Variants in GLI2 observed in about 807,000 individuals in gnomAD.
The protein encoded by GLI2 is GLI family zinc finger 2, also known as transcription activator GLI2.
A neutral mutation model predicts 78.9 loss-of-function variants in GLI2; 22 were observed. The ratio of observed to expected loss-of-function variants is 0.28; its 90% confidence interval spans 0.20 to 0.40. The LOEUF (loss-of-function observed/expected upper bound fraction) is 0.40. Ranked by LOEUF, GLI2 falls within the 10% of genes least tolerant of loss-of-function variation. The probability of loss-of-function intolerance (pLI) is 1.00; values close to 1 mark genes in which losing one functional copy is unlikely to be tolerated. For synonymous variants in GLI2, 974 were observed against 963.7 expected (o/e 1.01, Z -0.20); for missense variants, 2,097 against 2,213.2 (o/e 0.95, Z 1.05).
Position 120,815,459 on chromosome 2 carries a change from C to T in GLI2, c.148+17991C>T, listed in dbSNP as rs1685448624. 2.0e-5 allele frequency among the ~76,000 whole-genome samples: 3 copies of T among 152,202 alleles called. 1 individual carries two copies. The highest frequency in any genetic ancestry group is 2.0e-4 in the Admixed American group (3 of 15,286). ...CATGCAGACAGCATTGCCTGCCCCGCCAGCCCCCTCCCTCCACCGATAGAG... is the reference window on the plus strand; with the variant it reads ...CATGCAGACAGCATTGCCTGCCCCGTCAGCCCCCTCCCTCCACCGATAGAG... On this transcript the variant is annotated intron_variant, in intron 2 of 13. Coordinates refer to ENST00000361492, the MANE Select transcript of GLI2 (RefSeq NM_001374353.1).
intron 2 of GLI2, among the ~76,000 whole-genome samples, chr2:120,914,012 A>C (rs1469569036): frequency 6.6e-6 from 1 of 152,250 alleles, no homozygotes; most frequent in African/African-American, 2.4e-5. Flanking sequence ...TGGGCTCTGC[A>C]GGGAAGGGGC....
At position 120,990,396 on chromosome 2, in the gene GLI2, C is replaced by G; in HGVS notation, c.4431C>G (p.Asn1477Lys). The G allele has an allele frequency of 6.2e-7, 1 of 1,614,116 alleles. No homozygotes were observed. Among genetic ancestry groups the G allele is most frequent in the Non-Finnish European group, 8.5e-7 (1 of 1,180,016 alleles). The change falls in exon 14 of 14, where the codon AAC becomes AAG. Residue 1477 changes from asparagine (N) to lysine (K), a missense_variant. Coordinates refer to ENST00000361492, the MANE Select transcript of GLI2 (RefSeq NM_001374353.1). Reference protein sequence around the residue: ...QPQPLPSPGVNQVSSTVDSQL... With the variant: ...QPQPLPSPGVKQVSSTVDSQL... ...AGCCCTTGCCCTCACCAGGGGTCAACCAGGTGTCCAGCACTGTGGACTCCC... is the reference window on the plus strand; with the variant it reads ...AGCCCTTGCCCTCACCAGGGGTCAAGCAGGTGTCCAGCACTGTGGACTCCC...
At position 120,873,837 on chromosome 2, in the gene GLI2, CTT is replaced by C. The variant is rs575689696; in HGVS notation, c.149-53523_149-53522del. Among the ~76,000 whole-genome samples, 197 of 152,344 alleles carry C rather than the reference CTT, an allele frequency of 1.3e-3. 1 individual carries two copies. Among genetic ancestry groups the C allele is most frequent in the Non-Finnish European group, 2.1e-3 (143 of 68,032 alleles). The stretch of plus-strand genomic sequence containing the variant: ...TGAAATGGACCGACATAAAATCTCT[CTT>C]GTTTGCAGAGTTCGTAACGACAGAG... On this transcript the variant is annotated intron_variant, in intron 2 of 13. Coordinates refer to ENST00000361492, the MANE Select transcript of GLI2 (RefSeq NM_001374353.1).
chr2:120,742,798 A>T (rs1457489125), intron 1 of GLI2, among the ~76,000 whole-genome samples: 1 of 152,210 alleles, frequency 6.6e-6, no homozygotes, highest in Non-Finnish European at 1.5e-5. Context: ...CTTCTAATAT[A>T]TAGAATGTGA....
Position 120,989,136 on chromosome 2 carries a change from C to T in GLI2, c.3171C>T (p.Ala1057=). 1 of 1,613,026 alleles carries T rather than the reference C, an allele frequency of 6.2e-7. No homozygotes were observed. ...DDVVQYIKAH[A]SGALDEGTGQ... is the part of the protein sequence containing the mutation. ...TGGTGCAGTACATCAAGGCGCACGC[C>T]AGTGGCGCTCTGGACGAGGGCACCG... The change falls in exon 14 of 14, where the codon GCC becomes GCT. Residue 1057 remains alanine, a synonymous_variant. Coordinates refer to ENST00000361492, the MANE Select transcript of GLI2 (RefSeq NM_001374353.1).
At chr2:120,740,188 C>G (rs527723332) in intron 1 of GLI2, among the ~76,000 whole-genome samples, 27 of 152,168 alleles carry the variant, frequency 1.8e-4, no homozygotes, top group African/African-American at 6.5e-4. Flanking sequence ...TATTTAAAAC[C>G]TGGGAAAATG....
chr2:120,988,596 G>C lies in GLI2; in HGVS notation c.2631G>C (p.Ala877=), dbSNP rs971144548. 1.3e-6 allele frequency: 2 copies of C among 1,483,260 alleles called. No individual in the cohort carries two copies. Among genetic ancestry groups the C allele is most frequent in the African/African-American group, 1.5e-5 (1 of 68,304 alleles). 91.9% of individuals were successfully genotyped at this position (1,483,260 alleles called of 1,614,324 possible). ...AQQYSLRAKY[A]AATGGPPPTP... is the part of the protein sequence containing the mutation. Reference sequence around the variant, plus strand: ...AGTACAGCCTGCGGGCCAAGTACGCGGCAGCCACTGGCGGCCCCCCGCCCA... The same window carrying C: ...AGTACAGCCTGCGGGCCAAGTACGCCGCAGCCACTGGCGGCCCCCCGCCCA... Residue 877 remains alanine, a synonymous_variant, in exon 14 of 14, where the codon GCG becomes GCC. Transcript: ENST00000361492.
chr2:120,817,951 G>A (rs1685580032), intron 2 of GLI2, among the ~76,000 whole-genome samples: 1 of 152,242 alleles, frequency 6.6e-6, no homozygotes, highest in Admixed American at 6.5e-5. Context: ...TCCATGTCCT[G>A]CCATTACACA....
At chr2:120,740,284 C>G (rs1682490070) in intron 1 of GLI2, among the ~76,000 whole-genome samples, 1 of 151,914 alleles carries the variant, frequency 6.6e-6, no homozygotes, top group South Asian at 2.1e-4. Context: ...CTCAATAATC[C>G]TGTTTGTGTT....
chr2:120,938,644 G>T (rs1680303258), intron 3 of GLI2, among the ~76,000 whole-genome samples: 1 of 152,194 alleles, frequency 6.6e-6, no homozygotes. Context: ...GTGGTGTCCG[G>T]GTCTTTGATG....
intron 9 of GLI2, among the ~76,000 whole-genome samples, chr2:120,977,023 C>A (rs945278914): frequency 4.6e-5 from 7 of 152,238 alleles, no homozygotes; most frequent in Non-Finnish European, 1.0e-4. Context: ...GATAAGATTT[C>A]CCTGGAAGTT....
rs758256550 is a variant in GLI2 at position 120,982,703 on chromosome 2, C to T, written c.1468-13C>T. On this transcript the variant is annotated splice_polypyrimidine_tract_variant and intron_variant, in intron 10 of 13. Transcript: ENST00000361492. ...CCTGGGGTGCCTTGACTGACTGAAC[C>T]GCCTCCTTCTAGTTCGAGGGCTGCT... 29 of 1,605,442 alleles carry T rather than the reference C, an allele frequency of 1.8e-5. No individual in the cohort carries two copies. Among genetic ancestry groups the T allele is most frequent in the Middle Eastern group, 1.7e-4 (1 of 6,034 alleles).
chr2:120,873,339 A>G (rs755287979), intron 2 of GLI2, among the ~76,000 whole-genome samples: 1 of 152,228 alleles, frequency 6.6e-6, no homozygotes, highest in Non-Finnish European at 1.5e-5. Flanking sequence ...ATTTAAACCT[A>G]ATAGTAATAG....
intron 2 of GLI2, among the ~76,000 whole-genome samples, chr2:120,888,921 T>C (rs1156340314): frequency 6.6e-6 from 1 of 152,134 alleles, no homozygotes; most frequent in Non-Finnish European, 1.5e-5. Flanking sequence ...ATGGCTAAAA[T>C]GGAGACAGTT....
At position 120,988,993 on chromosome 2, in the gene GLI2, C is replaced by T. The variant is rs1404870952; in HGVS notation, c.3028C>T (p.Arg1010Trp). 2.5e-6 allele frequency: 4 copies of T among 1,586,622 alleles called. No homozygotes were observed. Among genetic ancestry groups the T allele is most frequent in the African/African-American group, 1.3e-5 (1 of 74,656 alleles). Residue 1010 changes from arginine (R) to tryptophan (W), a missense_variant, in exon 14 of 14, where the codon CGG becomes TGG. Arg to Trp is a moderately radical substitution (Grantham distance 101, BLOSUM62 -3). Around this residue, in one of 5 missense-constraint regions of GLI2, gnomAD observed 1,290 missense variants for 1,261.7 expected, o/e 1.02. Coordinates refer to ENST00000361492, the MANE Select transcript of GLI2 (RefSeq NM_001374353.1). ...GGLARGAYSP[R>W]PPSISENVAM... is the part of the protein sequence containing the mutation. ...CCTGGCCCGCGGCGCCTACTCGCCC[C>T]GGCCGCCTAGCATCAGCGAGAACGT...
chr2:120,992,050 A>ACACACACACACC lies in GLI2; in HGVS notation c.*1376_*1377insACACACACACCC, dbSNP rs1553480327. The ACACACACACACC allele has an allele frequency of 6.8e-6, 1 of 146,900 alleles. No homozygotes were observed. The highest frequency in any genetic ancestry group is 1.5e-5 in the Non-Finnish European group (1 of 67,406). 9.1% of individuals were successfully genotyped at this position (146,900 alleles called of 1,614,324 possible). On this transcript the variant is annotated 3_prime_UTR_variant, in exon 14 of 14. Coordinates refer to ENST00000361492, the MANE Select transcript of GLI2 (RefSeq NM_001374353.1). The stretch of plus-strand genomic sequence containing the variant: ...CACACACACACACACACACACACAC[A>ACACACACACACC]CCCCAAACCTTTTCATGGGGAATGT...
At chr2:120,790,749 A>G (rs1178976206) in intron 1 of GLI2, among the ~76,000 whole-genome samples, 1 of 152,152 alleles carries the variant, frequency 6.6e-6, no homozygotes, top group East Asian at 1.9e-4. Flanking sequence ...TAGTGAAGCC[A>G]TGGCAGGCTT....
intron 2 of GLI2, among the ~76,000 whole-genome samples, chr2:120,813,428 C>G (rs1685351140): frequency 6.6e-6 from 1 of 152,154 alleles, no homozygotes; most frequent in Admixed American, 6.5e-5. Context: ...CCAGAATGGC[C>G]CAGCTGCGCA....
At position 120,989,187 on chromosome 2, in the gene GLI2, T is replaced by C. The variant is rs200898681; in HGVS notation, c.3222T>C (p.Thr1074=). The change falls in exon 14 of 14, where the codon ACT becomes ACC. Residue 1074 remains threonine (T), a synonymous_variant. Transcript: ENST00000361492. ...GTGQVYPTES[T]GFSDNPRLPS... Reference sequence around the variant, plus strand: ...GGCAGGTGTATCCCACGGAAAGCACTGGCTTCTCTGACAACCCCAGACTAC... The same window carrying C: ...GGCAGGTGTATCCCACGGAAAGCACCGGCTTCTCTGACAACCCCAGACTAC... The C allele has an allele frequency of 1.1e-5, 17 of 1,613,208 alleles. No individual in the cohort carries two copies. In the Middle Eastern group the frequency reaches 4.9e-4, roughly 47 times the overall value.
Sources: gnomAD v4.1 joint callset for allele counts (sites outside exome capture counted in the v4.1 genomes callset) on GRCh38, gnomAD v4.1.1 for gene constraint, gnomAD v4.1.1 regional missense constraint, MANE v1.5 for transcripts, NCBI Gene and HGNC (gene_info 2026-07-23, HGNC 2026-07-21) for gene names.